AGPS: variants seen among roughly 807,000 people sequenced by gnomAD.
AGPS encodes alkyldihydroxyacetonephosphate synthase, peroxisomal.
AGPS carries 26 observed loss-of-function variants against 90.7 expected under a neutral mutation model. The ratio of observed to expected loss-of-function variants is 0.29; its 90% CI spans 0.21 to 0.40. AGPS has a LOEUF of 0.40. Among genes scored for constraint, AGPS ranks in the 10% least tolerant of loss-of-function variants. The pLI is 1.00. For missense variants in AGPS, 540 were observed against 816.1 expected (o/e 0.66, Z 4.12); for synonymous variants, 294 against 285.3 (o/e 1.03, Z -0.31).
intron 18 of AGPS, 52 bp downstream of exon 18, chr2:177,521,420 A>G (rs1201648063): frequency 7.2e-7 from 1 of 1,388,546 alleles, no homozygotes; most frequent in East Asian, 2.3e-5. Flanking sequence ...TAATTTCAAT[A>G]AATTTTACTG....
intron 5 of AGPS, among the ~76,000 whole-genome samples, 157 bp downstream of exon 5, chr2:177,437,211 A>G (rs564811193): frequency 1.3e-5 from 2 of 152,064 alleles, no homozygotes; most frequent in Non-Finnish European, 2.9e-5. Context: ...CTCTTTCTTG[A>G]CTTGGTTGTT....
chr2:177,530,428 T>C (rs2079128526), intron 19 of AGPS, among the ~76,000 whole-genome samples: 1 of 152,216 alleles, frequency 6.6e-6, no homozygotes, highest in Admixed American at 6.5e-5. Flanking sequence ...ACTAAACTTA[T>C]TCAATGCTAG....
At chr2:177,503,024 T>C (rs915156943) in intron 14 of AGPS, among the ~76,000 whole-genome samples, 1 of 152,142 alleles carries the variant, frequency 6.6e-6, no homozygotes, top group African/African-American at 2.4e-5. Flanking sequence ...TTTTTTTTTA[T>C]TTGTTTATGA....
Position 177,538,663 on chromosome 2 carries a change from C to A in AGPS, c.*468C>A, listed in dbSNP as rs1411628089. 6.1e-6 allele frequency: 1 copy of A among 164,316 alleles called. No homozygotes were observed. Among genetic ancestry groups the A allele is most frequent in the Non-Finnish European group, 1.3e-5 (1 of 75,146 alleles). The allele number at this position is 164,316 out of a possible 1,614,324, so 10.2% of individuals were successfully genotyped here. A position where few individuals can be genotyped will look rare whatever the true frequency, so the allele number is the denominator to read the frequency against. ...AGAGCATAGTCTAGTGTGAGTAGGCCATTAAGGGGAAGGATATTCATGAAA... is the reference window on the plus strand; with the variant it reads ...AGAGCATAGTCTAGTGTGAGTAGGCAATTAAGGGGAAGGATATTCATGAAA... On this transcript the variant is annotated 3_prime_UTR_variant, in exon 20 of 20. Coordinates refer to ENST00000264167, the MANE Select transcript of AGPS (RefSeq NM_003659.4).
At chr2:177,518,118 A>G (rs1474241175) in intron 17 of AGPS, among the ~76,000 whole-genome samples, 1 of 151,908 alleles carries the variant, frequency 6.6e-6, no homozygotes, top group Non-Finnish European at 1.5e-5. Context: ...TACAATTACT[A>G]TTTTTCCCCA....
rs548430192 is a variant in AGPS, at chr2:177,488,243, C to T, written c.1234-4905C>T. Among the ~76,000 whole-genome samples the T allele has an allele frequency of 4.6e-4, 68 of 149,326 alleles. 1 individual carries two copies. The highest frequency in any genetic ancestry group is 1.7e-3 in the African/African-American group (67 of 40,492). ...TTTTTTTTTTTTTGAGACGGATTCT[C>T]TCTCTGTCACCCAGGCTGGAGTGCA... On this transcript the variant is annotated intron_variant, in intron 11 of 19. Coordinates refer to ENST00000264167, the MANE Select transcript of AGPS (RefSeq NM_003659.4).
chr2:177,467,393 A>G (rs958914171), intron 9 of AGPS, among the ~76,000 whole-genome samples: 14 of 152,190 alleles, frequency 9.2e-5, no homozygotes, highest in Non-Finnish European at 1.2e-4. Flanking sequence ...AAGGAAAAAT[A>G]TTCTTTTTAA....
At position 177,516,476 on chromosome 2, in the gene AGPS, T is replaced by C. The variant is rs982465482; in HGVS notation, c.1697+2568T>C. 3.3e-5 allele frequency among the ~76,000 whole-genome samples: 5 copies of C among 152,188 alleles called. No homozygotes were observed. The East Asian group carries it at 9.6e-4, about 29-fold the overall frequency. ...TTTGAAAGAGGTTAGTGTTTAAGTG[T>C]CTTAAATGATAGAGTTGATCTATTG... On this transcript the variant is annotated intron_variant, in intron 17 of 19. Transcript: ENST00000264167.
intron 9 of AGPS, among the ~76,000 whole-genome samples, chr2:177,465,244 T>G (rs1418826055): frequency 6.6e-6 from 1 of 152,066 alleles, no homozygotes; most frequent in Non-Finnish European, 1.5e-5. Context: ...CAGTGAGCTA[T>G]CATCCCACCA....
intron 8 of AGPS, among the ~76,000 whole-genome samples, chr2:177,459,183 A>G (rs1436712630): frequency 2.0e-5 from 3 of 152,232 alleles, no homozygotes; most frequent in African/African-American, 4.8e-5. Flanking sequence ...AGATGGATCA[A>G]AGACTTAAAT....
At chr2:177,515,937 A>G (rs1271167296) in intron 17 of AGPS, among the ~76,000 whole-genome samples, 3 of 41,242 alleles carry the variant, frequency 7.3e-5, no homozygotes, top group Non-Finnish European at 1.6e-4. Context: ...GTTTGGTTTG[A>G]CCTGCTTAGT....
At chr2:177,499,020 A>G (rs1240320686) in intron 13 of AGPS, among the ~76,000 whole-genome samples, 2 of 151,888 alleles carry the variant, frequency 1.3e-5, no homozygotes, top group Non-Finnish European at 3.0e-5. Flanking sequence ...AATTGGAATA[A>G]ACTAGTACAT....
chr2:177,498,933 T>C (rs1688483334), intron 13 of AGPS, among the ~76,000 whole-genome samples: 2 of 151,848 alleles, frequency 1.3e-5, no homozygotes, highest in South Asian at 4.1e-4. Context: ...TTCCTTGTTA[T>C]CACCATCACC....
At chr2:177,440,904 C>T (rs772280082) in intron 5 of AGPS, 61 bp from the exon 6 acceptor site, 28 of 1,421,946 alleles carry the variant, frequency 2.0e-5, no homozygotes, top group Non-Finnish European at 2.6e-5. Context: ...TTCTTATTTG[C>T]CAAGGTTATC....
intron 1 of AGPS, among the ~76,000 whole-genome samples, chr2:177,412,382 GTT>G (rs1349278708): frequency 1.2e-4 from 19 of 152,152 alleles, no homozygotes; most frequent in African/African-American, 4.3e-4. Context: ...TCTGCCTCTA[GTT>G]GGCCCTTGGC....
chr2:177,457,638 A>G (rs987194872), intron 8 of AGPS, among the ~76,000 whole-genome samples: 10 of 152,210 alleles, frequency 6.6e-5, no homozygotes, highest in African/African-American at 2.4e-4. Flanking sequence ...GCCAGGAAGA[A>G]GTCAAATCCC....
intron 1 of AGPS, among the ~76,000 whole-genome samples, chr2:177,401,920 C>G (rs1443687484): frequency 6.6e-6 from 1 of 152,200 alleles, no homozygotes. Flanking sequence ...CAGCCCTGTT[C>G]ATTTTTTCCT....
intron 8 of AGPS, among the ~76,000 whole-genome samples, chr2:177,450,249 C>G (rs1199549696): frequency 6.6e-6 from 1 of 152,084 alleles, no homozygotes; most frequent in Admixed American, 6.6e-5. Context: ...TATTTTCTTT[C>G]AGTCTGTGGT....
intron 14 of AGPS, 21 bp from the exon 15 acceptor site, chr2:177,505,485 C>A: frequency 6.2e-7 from 1 of 1,601,242 alleles, no homozygotes; most frequent in Non-Finnish European, 8.5e-7. Flanking sequence ...AATTTATTAA[C>A]AGTTTGTTCT....
Sources: allele counts gnomAD v4.1 joint callset (sites outside exome capture counted in the v4.1 genomes callset), GRCh38; gene constraint gnomAD v4.1.1; transcripts MANE v1.5; gene names NCBI Gene and HGNC (gene_info 2026-07-23, HGNC 2026-07-21).